The following CACNA1C variants were observed in gnomAD, a reference collection of about 807,000 sequenced individuals.
The protein encoded by CACNA1C is calcium voltage-gated channel subunit alpha1 C, also known as voltage-dependent L-type calcium channel subunit alpha-1C.
Under a neutral mutation model 229.0 loss-of-function variants are expected in CACNA1C, and 30 were observed. The observed-to-expected ratio is 0.13, with a 90% CI of 0.10 to 0.18. CACNA1C has a LOEUF of 0.18. Ranked by LOEUF, CACNA1C falls within the 10% of genes least tolerant of loss-of-function variation. The probability of loss-of-function intolerance (pLI) is 1.00; values close to 1 mark genes in which losing one functional copy is unlikely to be tolerated. For missense variants in CACNA1C, 1,658 were observed against 2,845.0 expected, an observed-to-expected ratio of 0.58 and a Z score of 9.49; for synonymous variants, 1,114 against 1,132.5, an observed-to-expected ratio of 0.98 and a Z score of 0.33.
intron 4 of CACNA1C, among the ~76,000 whole-genome samples, chr12:2,456,422 G>A (rs534460025): frequency 6.6e-6 from 1 of 152,318 alleles, no homozygotes; most frequent in Non-Finnish European, 1.5e-5. Flanking sequence ...CCTGCTCAAA[G>A]TCCCCCAATG....
At chr12:2,393,520 C>T (rs2098522771) in intron 3 of CACNA1C, among the ~76,000 whole-genome samples, 1 of 152,196 alleles carries the variant, frequency 6.6e-6, no homozygotes, top group Non-Finnish European at 1.5e-5. Flanking sequence ...AAAGCTTACC[C>T]CCACTCCTTG....
chr12:2,301,774 C>T (rs2094578431), intron 3 of CACNA1C, among the ~76,000 whole-genome samples: 1 of 152,192 alleles, frequency 6.6e-6, no homozygotes, highest in Admixed American at 6.5e-5. Flanking sequence ...TGTTCATTTT[C>T]CAAGCCCCAG....
chr12:2,527,618 A>G (rs2099822279), intron 9 of CACNA1C, among the ~76,000 whole-genome samples: 1 of 152,234 alleles, frequency 6.6e-6, no homozygotes, highest in Admixed American at 6.5e-5. Flanking sequence ...GCAAGAAGAA[A>G]TTAAGGACTC....
At chr12:2,352,241 C>T (rs7133259) in intron 3 of CACNA1C, among the ~76,000 whole-genome samples, 28,835 of 152,168 alleles carry the variant, frequency 0.19, 3,167 homozygotes, top group Non-Finnish European at 0.24. Context: ...TTTCTTCTCC[C>T]ACTCTCCTGC....
At chr12:2,141,099 C>T (rs1024260172) in intron 3 of CACNA1C, among the ~76,000 whole-genome samples, 4 of 150,750 alleles carry the variant, frequency 2.7e-5, no homozygotes, top group Non-Finnish European at 4.4e-5. Flanking sequence ...AGGGCCAGGA[C>T]CCCGAGGTGA....
At chr12:2,664,234 A>G (rs1188559692) in intron 34 of CACNA1C, among the ~76,000 whole-genome samples, 3 of 152,214 alleles carry the variant, frequency 2.0e-5, no homozygotes, top group Non-Finnish European at 4.4e-5. Context: ...AAAACAATTC[A>G]CTAATGAACT....
At position 2,680,565 on chromosome 12, in the gene CACNA1C, C is replaced by T. The variant is rs766386859; in HGVS notation, c.5444+769C>T. The T allele has an allele frequency of 2.6e-6, 4 of 1,564,638 alleles. No individual in the cohort carries two copies. The highest frequency in any genetic ancestry group is 1.2e-5 in the South Asian group (1 of 84,734). On this transcript the variant is annotated intron_variant, in intron 42 of 46. Transcript: ENST00000399655. Reference sequence around the variant, plus strand: ...GCTCCCAGCAGGCTGCACAGCCCCCCAGCATGCCAGGTTCTTGACATGCTC... The same window carrying T: ...GCTCCCAGCAGGCTGCACAGCCCCCTAGCATGCCAGGTTCTTGACATGCTC...
intron 1 of CACNA1C, among the ~76,000 whole-genome samples, chr12:2,077,559 G>A (rs2063681010): frequency 6.6e-6 from 1 of 152,128 alleles, no homozygotes; most frequent in South Asian, 2.1e-4. Flanking sequence ...ACAACCCTGT[G>A]TTGTAGATAT....
At chr12:2,610,462 T>C (rs2077162302) in intron 27 of CACNA1C, 79 bp from the exon 28 acceptor site, 1 of 1,425,716 alleles carries the variant, frequency 7.0e-7, no homozygotes, top group South Asian at 1.3e-5. Context: ...TCTCATCACA[T>C]CCCACACTTC....
At chr12:2,165,908 C>G (rs887624221) in intron 3 of CACNA1C, among the ~76,000 whole-genome samples, 7 of 152,066 alleles carry the variant, frequency 4.6e-5, no homozygotes, top group Admixed American at 4.6e-4. Flanking sequence ...AGAAAGAATT[C>G]CAGAAGATAA....
chr12:2,250,088 G>A (rs1177666448), intron 3 of CACNA1C, among the ~76,000 whole-genome samples: 4 of 152,160 alleles, frequency 2.6e-5, no homozygotes, highest in South Asian at 4.1e-4. Flanking sequence ...GATTACAGGC[G>A]TGAGCCACTG....
At chr12:2,019,325 G>A (rs182429818) in intron 1 of CACNA1C, among the ~76,000 whole-genome samples, 47 of 152,144 alleles carry the variant, frequency 3.1e-4, no homozygotes, top group African/African-American at 7.2e-4. Flanking sequence ...GTAGCTGGGT[G>A]TTGTGGCACG....
In CACNA1C at chr12:1,971,407, A is replaced by G. The variant is rs936484103; in HGVS notation, c.139+206A>G. Among the ~76,000 whole-genome samples, 1 of 152,224 alleles carries G rather than the reference A, an allele frequency of 6.6e-6. No individual in the cohort carries two copies. ...CGTTCTTTGGAAATTCTCAATTGAAAAAAAGTGATGTTTGAGGCAACAGGC... is the reference window on the plus strand; with the variant it reads ...CGTTCTTTGGAAATTCTCAATTGAAGAAAAGTGATGTTTGAGGCAACAGGC... On this transcript the variant is annotated intron_variant, in intron 1 of 46. Transcript: ENST00000682462. This position sits in a 1 kb window ranked among gnomAD's most constrained non-coding sequence, Gnocchi z 4.2.
At chr12:2,263,556 C>T (rs1037452001) in intron 3 of CACNA1C, among the ~76,000 whole-genome samples, 4 of 151,616 alleles carry the variant, frequency 2.6e-5, no homozygotes, top group Non-Finnish European at 2.9e-5. Flanking sequence ...GTGTGACGGT[C>T]AGTCAGGAGG....
chr12:2,576,417 G>A (rs895391652), intron 13 of CACNA1C, among the ~76,000 whole-genome samples: 19 of 152,186 alleles, frequency 1.2e-4, no homozygotes, highest in African/African-American at 4.6e-4. Flanking sequence ...TGATGAGAGA[G>A]TGCTTCATTT....
intron 43 of CACNA1C, among the ~76,000 whole-genome samples, chr12:2,685,331 G>A (rs1336780623): frequency 6.6e-6 from 1 of 150,990 alleles, no homozygotes; most frequent in East Asian, 1.9e-4. Flanking sequence ...TCGGGGGACG[G>A]GCATAAGTTT....
At chr12:2,036,690 C>T (rs889375283) in intron 1 of CACNA1C, among the ~76,000 whole-genome samples, 2 of 152,000 alleles carry the variant, frequency 1.3e-5, no homozygotes, top group Non-Finnish European at 2.9e-5. Context: ...GGCCTTGAAC[C>T]CCTGACCTTG....
In CACNA1C at chr12:2,467,700, G is replaced by A. The variant is rs1470916975; in HGVS notation, c.757+9994G>A. On this transcript the variant is annotated intron_variant, in intron 5 of 46. Transcript: ENST00000399655. The surrounding 1 kb of genome is among the most constrained non-coding windows in gnomAD (Gnocchi z 4.6). ...CGCCCTGCCCCTTAGCACCTGCCAG[G>A]CCCACCCTCTCCCCCGGTGTCTCCT... Among the ~76,000 whole-genome samples, 1 of 152,108 alleles carries A rather than the reference G, an allele frequency of 6.6e-6. No individual in the cohort carries two copies. Among genetic ancestry groups the A allele is most frequent in the Non-Finnish European group, 1.5e-5 (1 of 67,992 alleles).
rs1316677732 is a variant in CACNA1C at position 2,646,647 on chromosome 12, G to C, written c.3913-1828G>C. 6.6e-6 allele frequency: 1 copy of C among 152,240 alleles called. No homozygotes were observed. Among genetic ancestry groups the C allele is most frequent in the Admixed American group, 6.5e-5 (1 of 15,278 alleles). The allele number at this position is 152,240 out of a possible 1,614,324, so 9.4% of individuals were successfully genotyped here. On this transcript the variant is annotated intron_variant, in intron 30 of 46. Coordinates refer to ENST00000399655, the MANE Select transcript of CACNA1C (RefSeq NM_000719.7). The surrounding 1 kb of genome is among the most constrained non-coding windows in gnomAD (Gnocchi z 4.6). ...ACTGGGCCAGGAGCGGGGCAGAAAG[G>C]TGCCAGTGGATAGCTAGACCTGACC... is the stretch of plus-strand genomic sequence containing the variant.
Sources: allele counts gnomAD v4.1 joint callset (sites outside exome capture counted in the v4.1 genomes callset), GRCh38; gene constraint gnomAD v4.1.1; non-coding constraint Gnocchi (gnomAD v3.1); transcripts MANE v1.5; gene names NCBI Gene and HGNC (gene_info 2026-07-23, HGNC 2026-07-21).